GTF2B: variants seen among roughly 807,000 people sequenced by gnomAD.
GTF2B encodes the protein general transcription factor IIB, also known as transcription initiation factor IIB.
A neutral mutation model predicts 34.6 loss-of-function variants in GTF2B; 20 were observed. That is an observed-to-expected ratio of 0.58 (90% CI 0.41 to 0.84). The LOEUF is 0.84. GTF2B is among the 40% of genes least tolerant of loss of function. The probability of loss-of-function intolerance (pLI) is 0.00; values close to 1 mark genes in which losing one functional copy is unlikely to be tolerated. For missense variants in GTF2B, 237 were observed against 393.3 expected, an observed-to-expected ratio of 0.60 and a Z score of 3.36; for synonymous variants, 142 against 132.4, an observed-to-expected ratio of 1.07 and a Z score of -0.50.
chr1:88,885,728 C>T (rs1401897867), intron 2 of GTF2B, among the ~76,000 whole-genome samples: 1 of 152,132 alleles, frequency 6.6e-6, no homozygotes, highest in African/African-American at 2.4e-5. Context: ...CCAGCCTGGG[C>T]AACAAGAGCA....
chr1:88,853,717 T>C (rs1000476878), intron 6 of GTF2B, among the ~76,000 whole-genome samples: 9 of 152,096 alleles, frequency 5.9e-5, no homozygotes, highest in African/African-American at 2.2e-4. Flanking sequence ...GGCAGGAGAA[T>C]CGCTTGAACC....
At chr1:88,885,462 C>A (rs748086437) in intron 2 of GTF2B, among the ~76,000 whole-genome samples, 108 of 144,556 alleles carry the variant, frequency 7.5e-4, no homozygotes, top group Non-Finnish European at 1.4e-3. Flanking sequence ...AAAAAAAAAA[C>A]TTTGGCCAGG....
At chr1:88,858,477 T>G (rs538194113) in intron 5 of GTF2B, among the ~76,000 whole-genome samples, 1 of 152,330 alleles carries the variant, frequency 6.6e-6, no homozygotes, top group East Asian at 1.9e-4. Context: ...CACAATGTCA[T>G]GTGTGCATGA....
chr1:88,865,881 A>C (rs1354548213), intron 2 of GTF2B, among the ~76,000 whole-genome samples: 1 of 152,040 alleles, frequency 6.6e-6, no homozygotes, highest in Non-Finnish European at 1.5e-5. Flanking sequence ...AACAAAAATT[A>C]ATCTCCATAG....
chr1:88,886,009 A>C (rs914481690), intron 2 of GTF2B, among the ~76,000 whole-genome samples: 1 of 152,236 alleles, frequency 6.6e-6, no homozygotes, highest in Admixed American at 6.5e-5. Flanking sequence ...CCTTATCTGT[A>C]AAATGAAGAT....
At chr1:88,863,921 C>T in intron 3 of GTF2B, 60 bp downstream of exon 3, 2 of 1,537,802 alleles carry the variant, frequency 1.3e-6, no homozygotes, top group Non-Finnish European at 1.8e-6. Context: ...GCAAAGTTCC[C>T]AAACTCTCAG....
intron 3 of GTF2B, among the ~76,000 whole-genome samples, chr1:88,863,476 C>T (rs540697247): frequency 1.3e-5 from 2 of 152,244 alleles, no homozygotes; most frequent in South Asian, 4.2e-4. Context: ...CGCGAGTAAG[C>T]TGGGACTACA....
rs773456089 is a variant in GTF2B, at chr1:88,852,761, T to C, written c.*452A>G. On this transcript the variant is annotated 3_prime_UTR_variant, in exon 7 of 7. Coordinates refer to ENST00000370500, the MANE Select transcript of GTF2B (RefSeq NM_001514.6). ...TCCTTTCAAACTGGAAACTATGATG[T>C]TGATGTTAACAATGGTTCTCAAAAG... is the stretch of plus-strand genomic sequence containing the variant. 4.6e-5 allele frequency among the ~76,000 whole-genome samples: 7 copies of C among 152,164 alleles called. No homozygotes were observed. The East Asian group carries it at 7.7e-4, about 17-fold the overall frequency.
In GTF2B at chr1:88,887,346, G is replaced by T; in HGVS notation, c.39C>A (p.Val13=). The part of the protein sequence containing the change: ...STSRLDALPR[V]TCPNHPDAIL... ...TCGCATCTGGATGGTTTGGACATGT[G>T]ACTCTTGGAAGAGCATCCAAACTAA... Residue 13 remains valine (V), a synonymous_variant, in exon 2 of 7, where the codon GTC becomes GTA. Coordinates refer to ENST00000370500, the MANE Select transcript of GTF2B (RefSeq NM_001514.6). The T allele has an allele frequency of 6.2e-7, 1 of 1,608,616 alleles. No homozygotes were observed. Among genetic ancestry groups the T allele is most frequent in the South Asian group, 1.1e-5 (1 of 90,984 alleles).
intron 5 of GTF2B, among the ~76,000 whole-genome samples, chr1:88,857,801 C>T (rs891344785): frequency 6.8e-6 from 1 of 146,510 alleles, no homozygotes; most frequent in African/African-American, 2.5e-5. Context: ...CCTGCCTCAG[C>T]CTCCCGAGTA....
Position 88,853,350 on chromosome 1 carries a change from A to G in GTF2B, c.818-4T>C. On this transcript the variant is annotated splice_region_variant and splice_polypyrimidine_tract_variant and intron_variant, in intron 6 of 6. Transcript: ENST00000370500. ...ACACCAGCAATATCTCCAATTTCTA[A>G]AAGACAAAAATCGAAACATTAACCA... 1 of 1,611,898 alleles carries G rather than the reference A, an allele frequency of 6.2e-7. No homozygotes were observed. The highest frequency in any genetic ancestry group is 8.5e-7 in the Non-Finnish European group (1 of 1,178,234).
At chr1:88,865,894 G>A (rs1259485913) in intron 2 of GTF2B, among the ~76,000 whole-genome samples, 1 of 151,490 alleles carries the variant, frequency 6.6e-6, no homozygotes, top group Admixed American at 6.6e-5. Context: ...CTCCATAGAA[G>A]ACTTTAAAAG....
At chr1:88,867,724 T>G (rs1421805696) in intron 2 of GTF2B, among the ~76,000 whole-genome samples, 1 of 152,250 alleles carries the variant, frequency 6.6e-6, no homozygotes, top group Admixed American at 6.5e-5. Flanking sequence ...CATAGCATTT[T>G]CTGAAATACC....
rs1162915523 is a variant in GTF2B at position 88,856,291 on chromosome 1, C to CAA, written c.817+913_817+914dup. Among the ~76,000 whole-genome samples, 29 of 86,166 alleles carry CAA rather than the reference C, an allele frequency of 3.4e-4. 2 individuals carry two copies. In the South Asian group the frequency reaches 8.4e-3, roughly 25 times the overall value. The allele number at this position is 86,166 out of a possible 152,430, so 56.5% of individuals were successfully genotyped here. On this transcript the variant is annotated intron_variant, in intron 6 of 6. Coordinates refer to ENST00000370500, the MANE Select transcript of GTF2B (RefSeq NM_001514.6). Reference sequence around the variant, plus strand: ...CAAAAACAAAAAAAAAAAAAAAAAACAAAAAAAAAAAAGGAAAAGAAATTC... The same window carrying CAA: ...CAAAAACAAAAAAAAAAAAAAAAAACAAAAAAAAAAAAAAGGAAAAGAAATTC...
Position 88,864,261 on chromosome 1 carries a change from T to C in GTF2B, c.125-147A>G, listed in dbSNP as rs111817388. ...AGCTTAAATATCACATTTCAGACAT[T>C]TGTCCTAAAGCATTCCTTTAACTAT... is the stretch of plus-strand genomic sequence containing the variant. On this transcript the variant is annotated intron_variant, in intron 2 of 6. Coordinates refer to ENST00000370500, the MANE Select transcript of GTF2B (RefSeq NM_001514.6). 1.1e-3 allele frequency: 718 copies of C among 665,424 alleles called. 7 individuals carry two copies. The African/African-American group carries it at 0.011, about 10-fold the overall frequency. 41.2% of individuals were successfully genotyped at this position (665,424 alleles called of 1,614,324 possible).
chr1:88,857,403 T>C lies in GTF2B; in HGVS notation c.620A>G (p.Asp207Gly). ...CATGAAGTCCCCAGTTGTAATCAAA[T>C]CCACACTGGTTTCTAGCGCTTTCAA... ...LILKALETSVDLITTGDFMSR... is the reference protein window; with the variant it reads ...LILKALETSVGLITTGDFMSR... The change falls in exon 6 of 7, where the codon GAT becomes GGT. Residue 207 changes from aspartate (D) to glycine (G), a missense_variant. Asp to Gly is a moderately conservative substitution (Grantham distance 94). This residue lies in a region of GTF2B where 29 missense variants were observed against 105.8 expected (regional missense o/e 0.27). Transcript: ENST00000370500. 6.2e-7 allele frequency: 1 copy of C among 1,611,348 alleles called. No homozygotes were observed. The highest frequency in any genetic ancestry group is 8.5e-7 in the Non-Finnish European group (1 of 1,177,474).
chr1:88,867,585 A>AT (rs1260479398), intron 2 of GTF2B, among the ~76,000 whole-genome samples: 8 of 152,192 alleles, frequency 5.3e-5, no homozygotes, highest in African/African-American at 1.9e-4. Flanking sequence ...AACTTGCAAT[A>AT]TTTTTATTAA....
intron 2 of GTF2B, among the ~76,000 whole-genome samples, chr1:88,886,989 G>A (rs1015239157): frequency 6.6e-6 from 1 of 151,884 alleles, no homozygotes; most frequent in African/African-American, 2.4e-5. Context: ...CACGATCTCG[G>A]CTCACTGCAA....
intron 2 of GTF2B, among the ~76,000 whole-genome samples, chr1:88,866,033 A>C (rs1400011149): frequency 6.6e-6 from 1 of 151,932 alleles, no homozygotes; most frequent in Non-Finnish European, 1.5e-5. Context: ...GCTCATAAAC[A>C]ACCAGAGTAT....
Sources: allele counts gnomAD v4.1 joint callset (sites outside exome capture counted in the v4.1 genomes callset), GRCh38; gene constraint gnomAD v4.1.1; regional missense constraint gnomAD v4.1.1; transcripts MANE v1.5; gene names NCBI Gene and HGNC (gene_info 2026-07-23, HGNC 2026-07-21).